Variants in CFAP54 observed in about 807,000 individuals in gnomAD.
The protein encoded by CFAP54 is cilia and flagella associated protein 54, also known as cilia- and flagella-associated protein 54.
CFAP54 carries 290 observed loss-of-function variants against 370.4 expected under a neutral mutation model. That is an observed-to-expected ratio of 0.78 (90% confidence interval 0.71 to 0.86). CFAP54 has a LOEUF of 0.86. Among genes scored for constraint, CFAP54 ranks in the 40% least tolerant of loss-of-function variants. The pLI, the probability that CFAP54 is intolerant of heterozygous loss-of-function variation, is 0.00. For synonymous variants in CFAP54, 1,206 were observed against 1,236.5 expected, an observed-to-expected ratio of 0.98 and a Z score of 0.52; for missense variants, 3,399 against 3,528.7, an observed-to-expected ratio of 0.96 and a Z score of 0.93.
chr12:96,708,465 G>C, intron 47 of CFAP54, 143 bp from the exon 48 acceptor site: 1 of 641,514 alleles, frequency 1.6e-6, no homozygotes, highest in Non-Finnish European at 2.7e-6. Flanking sequence ...GTCTCTCTCA[G>C]TAGACCTCCC....
intron 2 of CFAP54, among the ~76,000 whole-genome samples, chr12:96,501,613 A>G (rs2136348450): frequency 6.6e-6 from 1 of 152,304 alleles, no homozygotes; most frequent in South Asian, 2.1e-4. Context: ...ACTCTGGCCT[A>G]GGTCCAGATT....
At chr12:96,596,092 C>T (rs1956175448) in intron 25 of CFAP54, among the ~76,000 whole-genome samples, 1 of 152,072 alleles carries the variant, frequency 6.6e-6, no homozygotes, top group African/African-American at 2.4e-5. Flanking sequence ...TATTCATTGT[C>T]TTGGGACAAG....
chr12:96,782,209 G>T (rs1565976444), intron 60 of CFAP54, among the ~76,000 whole-genome samples: 1 of 152,030 alleles, frequency 6.6e-6, no homozygotes, highest in African/African-American at 2.4e-5. Context: ...GGGAAAACAT[G>T]CCTACTGTAT....
In CFAP54 at chr12:96,504,035, A is replaced by G. The variant is rs1367379008; in HGVS notation, c.567+6A>G. ...ATAAAACTGCTGGACTTACAGTAAG[A>G]TGAAAGAGCAGCTGAAATAGCTACA... On this transcript the variant is annotated splice_donor_region_variant and intron_variant, in intron 3 of 67. Coordinates refer to ENST00000524981, the MANE Select transcript of CFAP54 (RefSeq NM_001306084.2). 1 of 1,498,634 alleles carries G rather than the reference A, an allele frequency of 6.7e-7. No homozygotes were observed. Among genetic ancestry groups the G allele is most frequent in the Non-Finnish European group, 8.8e-7 (1 of 1,134,450 alleles). 92.8% of individuals were successfully genotyped at this position (1,498,634 alleles called of 1,614,324 possible). A position where few individuals can be genotyped will look rare whatever the true frequency, so the allele number is the denominator to read the frequency against.
chr12:96,517,324 T>C (rs778086418), intron 5 of CFAP54, among the ~76,000 whole-genome samples: 1 of 152,156 alleles, frequency 6.6e-6, no homozygotes, highest in South Asian at 2.1e-4. Flanking sequence ...CTAGGTTACT[T>C]TTAAGATCTC....
chr12:96,655,167 C>G (rs1353526643), intron 36 of CFAP54, among the ~76,000 whole-genome samples: 1 of 150,054 alleles, frequency 6.7e-6, no homozygotes, highest in Non-Finnish European at 1.5e-5. Flanking sequence ...CAAATAGAAT[C>G]TGAAAATAGA....
chr12:96,670,794 AG>A (rs1473549350), intron 39 of CFAP54, among the ~76,000 whole-genome samples: 2 of 152,222 alleles, frequency 1.3e-5, no homozygotes, highest in Admixed American at 6.5e-5. Context: ...TTGGCAGTTT[AG>A]GTGGTCATTG....
At chr12:96,726,232 A>C (rs1026530090) in intron 50 of CFAP54, among the ~76,000 whole-genome samples, 1 of 151,476 alleles carries the variant, frequency 6.6e-6, no homozygotes, top group Non-Finnish European at 1.5e-5. Context: ...TATTGATTGG[A>C]ATAGTTTCAG....
chr12:96,792,140 G>A (rs1045086984), intron 62 of CFAP54, among the ~76,000 whole-genome samples, 189 bp from the exon 63 acceptor site: 1 of 152,076 alleles, frequency 6.6e-6, no homozygotes, highest in South Asian at 2.1e-4. Context: ...GTCAGCCACC[G>A]CGCCTGGCCA....
chr12:96,645,837 C>T (rs1332214939), intron 33 of CFAP54: 1 of 151,840 alleles, frequency 6.6e-6, no homozygotes, highest in Non-Finnish European at 1.5e-5. Context: ...CTGACAAAAA[C>T]AAAAAATGGG....
At chr12:96,521,304 G>A (rs1156316360) in intron 6 of CFAP54, among the ~76,000 whole-genome samples, 1 of 152,110 alleles carries the variant, frequency 6.6e-6, no homozygotes, top group Admixed American at 6.5e-5. Flanking sequence ...TTATAATAAT[G>A]GTGATATGAT....
chr12:96,795,198 C>T (rs772071756), intron 63 of CFAP54, among the ~76,000 whole-genome samples: 20 of 152,022 alleles, frequency 1.3e-4, no homozygotes, highest in Non-Finnish European at 2.2e-4. Context: ...TTTTAGTGCA[C>T]TGGTTTTGTG....
At chr12:96,744,335 T>C (rs1958087442) in intron 55 of CFAP54, among the ~76,000 whole-genome samples, 189 bp downstream of exon 55, 1 of 152,232 alleles carries the variant, frequency 6.6e-6, no homozygotes, top group Non-Finnish European at 1.5e-5. Context: ...ATGGTCTTTA[T>C]ATATGAATAA....
In CFAP54 at chr12:96,786,641, A is replaced by G. The variant is rs556115218; in HGVS notation, c.8456-34A>G. On this transcript the variant is annotated intron_variant, in intron 61 of 67. Transcript: ENST00000524981. ...TATTGAGATCATCCCGTTTTCTAAT[A>G]TGAACCTAAACTAAGGTATTTTTCT... 37 of 1,421,498 alleles carry G rather than the reference A, an allele frequency of 2.6e-5. No individual in the cohort carries two copies. In the South Asian group the frequency reaches 3.7e-4, roughly 14 times the overall value. 88.1% of individuals were successfully genotyped at this position (1,421,498 alleles called of 1,614,324 possible).
chr12:96,794,614 A>G (rs1958739109), intron 63 of CFAP54, among the ~76,000 whole-genome samples: 2 of 151,900 alleles, frequency 1.3e-5, no homozygotes, highest in Admixed American at 6.6e-5. Context: ...TATGCTGTCT[A>G]TTTCTCTGAA....
chr12:96,594,894 A>T (rs1330508800), intron 25 of CFAP54, among the ~76,000 whole-genome samples: 1 of 152,044 alleles, frequency 6.6e-6, no homozygotes, highest in African/African-American at 2.4e-5. Flanking sequence ...GGCTGAAGGG[A>T]TTATATAGTT....
chr12:96,765,245 C>CA (rs749387731), intron 60 of CFAP54, 27 bp downstream of exon 60: 40 of 1,440,354 alleles, frequency 2.8e-5, no homozygotes, highest in African/African-American at 5.6e-5. Context: ...ACATATTATG[C>CA]AAAAAAACTG....
chr12:96,561,294 C>T (rs886841839), intron 17 of CFAP54, among the ~76,000 whole-genome samples: 3 of 152,114 alleles, frequency 2.0e-5, no homozygotes, highest in Admixed American at 6.5e-5. Context: ...AAGAGGAGTT[C>T]CCCTCCACAA....
Position 96,786,530 on chromosome 12 carries a change from G to T in CFAP54, c.8456-145G>T, listed in dbSNP as rs1462156832. On this transcript the variant is annotated intron_variant, in intron 61 of 67. Transcript: ENST00000524981. ...AAGAAACAATTCCATTAGTGTATAA[G>T]CTCTAAAAACAGAGGGACGTCATTG... is the stretch of plus-strand genomic sequence containing the variant. 4.8e-6 allele frequency: 3 copies of T among 631,400 alleles called. No individual in the cohort carries two copies. In the African/African-American group the frequency reaches 5.5e-5, roughly 12 times the overall value. 39.1% of individuals were successfully genotyped at this position (631,400 alleles called of 1,614,324 possible). A position where few individuals can be genotyped will look rare whatever the true frequency, so the allele number is the denominator to read the frequency against.
Sources: allele counts gnomAD v4.1 joint callset (sites outside exome capture counted in the v4.1 genomes callset), GRCh38; gene constraint gnomAD v4.1.1; transcripts MANE v1.5; gene names NCBI Gene and HGNC (gene_info 2026-07-23, HGNC 2026-07-21).